KIAA0825: variants seen among roughly 807,000 people sequenced by gnomAD.
The protein encoded by KIAA0825 is uncharacterized protein KIAA0825.
A neutral mutation model predicts 147.6 loss-of-function variants in KIAA0825; 119 were observed. The ratio of observed to expected loss-of-function variants is 0.81; its 90% CI spans 0.69 to 0.94. KIAA0825 has a LOEUF of 0.94. Among genes scored for constraint, KIAA0825 ranks in the 40% least tolerant of loss-of-function variants. The probability of loss-of-function intolerance (pLI) is 0.00; values close to 1 mark genes in which losing one functional copy is unlikely to be tolerated. For missense variants in KIAA0825, 1,381 were observed against 1,472.7 expected, an observed-to-expected ratio of 0.94 and a Z score of 1.02; for synonymous variants, 470 against 518.1, an observed-to-expected ratio of 0.91 and a Z score of 1.26.
intron 5 of KIAA0825, among the ~76,000 whole-genome samples, chr5:94,498,719 C>T (rs540791194): frequency 2.0e-5 from 3 of 152,170 alleles, no homozygotes; most frequent in African/African-American, 4.8e-5. Context: ...AGCTCCTATG[C>T]GCCAGTCACA....
intron 17 of KIAA0825, among the ~76,000 whole-genome samples, chr5:94,393,667 T>C (rs962739327): frequency 6.6e-6 from 1 of 152,210 alleles, no homozygotes; most frequent in Admixed American, 6.5e-5. Flanking sequence ...ATATATTTTT[T>C]TAAATTATGG....
intron 12 of KIAA0825, among the ~76,000 whole-genome samples, chr5:94,458,294 C>T (rs1484973306): frequency 1.3e-5 from 2 of 152,154 alleles, no homozygotes; most frequent in East Asian, 3.9e-4. Context: ...TAGAGAATAA[C>T]TGGCCCATAG....
At chr5:94,506,970 T>G (rs149721187) in intron 5 of KIAA0825, among the ~76,000 whole-genome samples, 265 of 152,242 alleles carry the variant, frequency 1.7e-3, no homozygotes, top group African/African-American at 6.0e-3. Context: ...TATATGTGCA[T>G]AGAACTCGTA....
chr5:94,439,718 G>T (rs1756833362), intron 14 of KIAA0825, among the ~76,000 whole-genome samples: 1 of 152,052 alleles, frequency 6.6e-6, no homozygotes, highest in African/African-American at 2.4e-5. Flanking sequence ...CCTGCGTATT[G>T]ATACATTTCT....
chr5:94,188,808 A>G (rs1239151342), intron 20 of KIAA0825, among the ~76,000 whole-genome samples: 3 of 152,290 alleles, frequency 2.0e-5, no homozygotes, highest in Non-Finnish European at 4.4e-5. Flanking sequence ...CCTGTGTTCT[A>G]TGGAAAAAAT....
chr5:94,594,447 G>A (rs1784901492), intron 1 of KIAA0825: 1 of 737,400 alleles, frequency 1.4e-6, no homozygotes, highest in African/African-American at 1.7e-5. Context: ...AGTAGATTTT[G>A]AGTGTATCTT....
chr5:94,177,747 T>C (rs924617769), intron 20 of KIAA0825, among the ~76,000 whole-genome samples: 2 of 152,090 alleles, frequency 1.3e-5, no homozygotes, highest in African/African-American at 4.8e-5. Flanking sequence ...ACTAAGTGAG[T>C]AAGTCTTATA....
At chr5:94,521,548 T>C (rs1768205601) in intron 4 of KIAA0825, among the ~76,000 whole-genome samples, 4 of 151,622 alleles carry the variant, frequency 2.6e-5, no homozygotes, top group Admixed American at 2.0e-4. Flanking sequence ...ACTTTGAAAA[T>C]TAATCTGAGA....
Position 94,403,643 on chromosome 5 carries a change from T to C in KIAA0825, c.2813A>G (p.Asp938Gly). 6.4e-7 allele frequency: 1 copy of C among 1,551,602 alleles called. No individual in the cohort carries two copies. Among genetic ancestry groups the C allele is most frequent in the Non-Finnish European group, 8.7e-7 (1 of 1,146,910 alleles). The change falls in exon 16 of 21, where the codon GAT (aspartate) becomes GGT (glycine). Residue 938 changes from aspartate to glycine, a missense_variant. Coordinates refer to ENST00000682413, the MANE Select transcript of KIAA0825 (RefSeq NM_001145678.3). ...ETNLNKHIVP[D>G]CLLESMPKEW... ...CTTTGGCATGCTCTCAAGCAAACAATCAGGAACAATGTGCTTGTTTAGGTT... is the reference window on the plus strand; with the variant it reads ...CTTTGGCATGCTCTCAAGCAAACAACCAGGAACAATGTGCTTGTTTAGGTT...
chr5:94,568,200 G>A (rs150631191), intron 2 of KIAA0825: 1,859 of 160,270 alleles, frequency 0.012, 46 homozygotes, highest in African/African-American at 0.043. Context: ...CAAGACATTC[G>A]AAAAATAGGA....
chr5:94,523,861 T>C (rs910342287), intron 4 of KIAA0825, 69 bp downstream of exon 4: 7 of 1,038,060 alleles, frequency 6.7e-6, no homozygotes, highest in South Asian at 1.8e-5. Flanking sequence ...TATTTACGTA[T>C]AGAAATTGAA....
At chr5:94,333,983 T>G (rs1346610957) in intron 20 of KIAA0825, among the ~76,000 whole-genome samples, 1 of 152,056 alleles carries the variant, frequency 6.6e-6, no homozygotes, top group Non-Finnish European at 1.5e-5. Context: ...CATTCCATGC[T>G]CATGGATAGG....
chr5:94,157,429 C>G (rs957770425), intron 20 of KIAA0825, among the ~76,000 whole-genome samples: 2 of 152,044 alleles, frequency 1.3e-5, no homozygotes, highest in African/African-American at 4.8e-5. Context: ...GATATGGGTC[C>G]CTTTTCCTAG....
At chr5:94,336,274 T>A (rs1486518869) in intron 20 of KIAA0825, among the ~76,000 whole-genome samples, 4 of 151,524 alleles carry the variant, frequency 2.6e-5, no homozygotes, top group Middle Eastern at 3.4e-3. Flanking sequence ...TTTTTTTTTT[T>A]TATACTTTAA....
rs914424947 is a variant in KIAA0825 at position 94,435,695 on chromosome 5, T to C, written c.2497+4287A>G. On this transcript the variant is annotated intron_variant, in intron 14 of 20. Transcript: ENST00000682413. ...TGTCTCTAGGTCTCTGAGCAATCTC[T>C]GCACTGTCTTCCACAATGGTTGAAC... 1.6e-4 allele frequency among the ~76,000 whole-genome samples: 24 copies of C among 152,156 alleles called. 1 individual carries two copies. The highest frequency in any genetic ancestry group is 1.5e-3 in the Admixed American group (23 of 15,266).
intron 20 of KIAA0825, among the ~76,000 whole-genome samples, chr5:94,161,731 A>G (rs1767604409): frequency 6.6e-6 from 1 of 152,178 alleles, no homozygotes; most frequent in South Asian, 2.1e-4. Context: ...TTGAAATAAC[A>G]TATTTTCTTT....
intron 5 of KIAA0825, among the ~76,000 whole-genome samples, chr5:94,500,082 G>A (rs987927942): frequency 6.6e-6 from 1 of 152,158 alleles, no homozygotes; most frequent in Non-Finnish European, 1.5e-5. Context: ...TGTCAGTTCA[G>A]TGTTACTGGA....
At chr5:94,529,218 T>C (rs1043029935) in intron 3 of KIAA0825, among the ~76,000 whole-genome samples, 3 of 129,032 alleles carry the variant, frequency 2.3e-5, no homozygotes, top group African/African-American at 9.7e-5. Flanking sequence ...ATCATATATA[T>C]GTATGTATCA....
At chr5:94,405,418 T>C (rs1751912854) in intron 15 of KIAA0825, among the ~76,000 whole-genome samples, 1 of 152,186 alleles carries the variant, frequency 6.6e-6, no homozygotes, top group Non-Finnish European at 1.5e-5. Context: ...AATATGTTTC[T>C]AAGTAAAAAG....
Sources: allele counts gnomAD v4.1 joint callset (sites outside exome capture counted in the v4.1 genomes callset), GRCh38; gene constraint gnomAD v4.1.1; transcripts MANE v1.5; gene names NCBI Gene and HGNC (gene_info 2026-07-23, HGNC 2026-07-21).